IFI44L: variants seen among roughly 807,000 people sequenced by gnomAD.
IFI44L encodes the protein interferon induced protein 44 like.
IFI44L carries 40 observed loss-of-function variants against 39.3 expected under a neutral mutation model. The observed-to-expected ratio is 1.02, with a 90% CI of 0.79 to 1.33. The LOEUF is 1.33. Ranked by LOEUF, IFI44L falls within the 40% of genes most tolerant of loss-of-function variation. The probability of loss-of-function intolerance (pLI) is 0.00; values close to 1 mark genes in which losing one functional copy is unlikely to be tolerated. For synonymous variants in IFI44L, 198 were observed against 182.3 expected (o/e 1.09, Z -0.69); for missense variants, 623 against 549.0 (o/e 1.13, Z -1.35).
intron 3 of IFI44L, 80 bp from the exon 4 acceptor site, chr1:78,629,640 C>A: frequency 3.2e-6 from 3 of 952,316 alleles, no homozygotes; most frequent in South Asian, 2.1e-5. Context: ...GAGAAAGAAG[C>A]TCTAGGTGAC....
chr1:78,645,654 C>A lies in IFI44L; in HGVS notation c.*3845C>A, dbSNP rs1184667375. 1 of 152,162 alleles carries A rather than the reference C, an allele frequency of 6.6e-6. No homozygotes were observed. Among genetic ancestry groups the A allele is most frequent in the Non-Finnish European group, 1.5e-5 (1 of 68,030 alleles). The allele number at this position is 152,162 out of a possible 1,614,324, so 9.4% of individuals were successfully genotyped here. On this transcript the variant is annotated 3_prime_UTR_variant, in exon 9 of 9. Coordinates refer to ENST00000370751, the MANE Select transcript of IFI44L (RefSeq NM_006820.4). The stretch of plus-strand genomic sequence containing the variant: ...CAAAGTCGTCATGGAATCCTGCAAC[C>A]AAAAGCCATGGGAATTTGGAAGCCC...
Position 78,628,325 on chromosome 1 carries a change from C to A in IFI44L, c.410C>A (p.Thr137Lys). The change falls in exon 2 of 9, where the codon ACA (threonine) becomes AAA (lysine). Residue 137 changes from threonine to lysine, a missense_variant. Transcript: ENST00000370751. ...DNKIYLDKMI[T>K]RNLKLRFYGH... ...AAAATTTATCTAGATAAAATGATAA[C>A]AAGAAACTTGAAACTAAGGTTTTAT... The A allele has an allele frequency of 1.2e-6, 2 of 1,600,426 alleles. No individual in the cohort carries two copies. Among genetic ancestry groups the A allele is most frequent in the Non-Finnish European group, 8.5e-7 (1 of 1,174,466 alleles).
chr1:78,628,252 G>A lies in IFI44L; in HGVS notation c.337G>A (p.Val113Met). ...TAPKIIDEQLVCRLSKTDIFI... is the reference protein window; with the variant it reads ...TAPKIIDEQLMCRLSKTDIFI... Reference sequence around the variant, plus strand: ...ACCAAAAATTATTGATGAGCAACTGGTGTGTCGTTTATCGAAAACGGATAT... The same window carrying A: ...ACCAAAAATTATTGATGAGCAACTGATGTGTCGTTTATCGAAAACGGATAT... Residue 113 changes from valine (V) to methionine (M), a missense_variant, in exon 2 of 9, where the codon GTG becomes ATG. Transcript: ENST00000370751. 6.2e-7 allele frequency: 1 copy of A among 1,611,568 alleles called. No homozygotes were observed. Among genetic ancestry groups the A allele is most frequent in the Non-Finnish European group, 8.5e-7 (1 of 1,178,548 alleles).
intron 1 of IFI44L, among the ~76,000 whole-genome samples, chr1:78,623,399 T>A (rs1285036351): frequency 8.6e-5 from 1 of 11,580 alleles, no homozygotes; most frequent in Admixed American, 1.6e-3. Context: ...GTTTTTTGTT[T>A]TTTTTTTTTT....
Position 78,643,594 on chromosome 1 carries a change from C to T in IFI44L, c.*1785C>T, listed in dbSNP as rs982329410. On this transcript the variant is annotated 3_prime_UTR_variant, in exon 9 of 9. Transcript: ENST00000370751. Reference sequence around the variant, plus strand: ...TTGGGGTATAGGGAATGAAATGAAACATACAGAGATGAAAACTGGAAGTTT... The same window carrying T: ...TTGGGGTATAGGGAATGAAATGAAATATACAGAGATGAAAACTGGAAGTTT... The T allele has an allele frequency of 1.3e-5, 2 of 149,888 alleles. No homozygotes were observed. Among genetic ancestry groups the T allele is most frequent in the East Asian group, 3.9e-4 (2 of 5,112 alleles). 9.3% of individuals were successfully genotyped at this position (149,888 alleles called of 1,614,324 possible).
At chr1:78,623,833 C>T (rs894405200) in intron 1 of IFI44L, among the ~76,000 whole-genome samples, 3 of 152,108 alleles carry the variant, frequency 2.0e-5, no homozygotes, top group Admixed American at 1.3e-4. Flanking sequence ...GATACTCCAG[C>T]TCAAGAATAG....
At position 78,629,737 on chromosome 1, in the gene IFI44L, T is replaced by C; in HGVS notation, c.545T>C (p.Leu182Pro). ...IKAREHRNRLLADIRDYRPYA... is the reference protein window; with the variant it reads ...IKAREHRNRLPADIRDYRPYA... ...TTTAACAGGCACAGAAATAGGCTTC[T>C]AGCAGACATCAGAGACTATAGGCCC... Residue 182 changes from leucine (L) to proline (P), a missense_variant, in exon 4 of 9, where the codon CTA (leucine) becomes CCA (proline). Coordinates refer to ENST00000370751, the MANE Select transcript of IFI44L (RefSeq NM_006820.4). 6.2e-7 allele frequency: 1 copy of C among 1,612,074 alleles called. No homozygotes were observed. Among genetic ancestry groups the C allele is most frequent in the South Asian group, 1.1e-5 (1 of 90,778 alleles).
At chr1:78,623,446 G>T in intron 1 of IFI44L, among the ~76,000 whole-genome samples, 2 of 124,134 alleles carry the variant, frequency 1.6e-5, no homozygotes, top group African/African-American at 6.6e-5. Context: ...AAGGACTTGG[G>T]TTTTATCAAA....
intron 1 of IFI44L, among the ~76,000 whole-genome samples, chr1:78,624,947 C>G (rs1652428725): frequency 1.3e-5 from 2 of 152,088 alleles, no homozygotes; most frequent in Admixed American, 1.3e-4. Context: ...CAAAGGTACC[C>G]TTATTATCAC....
At chr1:78,639,798 A>G (rs1420012040) in intron 6 of IFI44L, among the ~76,000 whole-genome samples, 2 of 152,144 alleles carry the variant, frequency 1.3e-5, no homozygotes, top group Admixed American at 1.3e-4. Flanking sequence ...TATACTCCAA[A>G]GCCTCGTTGC....
chr1:78,645,834 G>A lies in IFI44L; in HGVS notation c.*4025G>A, dbSNP rs1269813373. 3 of 152,150 alleles carry A rather than the reference G, an allele frequency of 2.0e-5. No homozygotes were observed. The highest frequency in any genetic ancestry group is 4.8e-5 in the African/African-American group (2 of 41,438). The allele number at this position is 152,150 out of a possible 1,614,324, so 9.4% of individuals were successfully genotyped here. A position where few individuals can be genotyped will look rare whatever the true frequency, so the allele number is the denominator to read the frequency against. ...ATCTTTCTCTGATGTTGGAGAAAAT[G>A]GGCCAGTGAGATCATGGATATAGAA... On this transcript the variant is annotated 3_prime_UTR_variant, in exon 9 of 9. Transcript: ENST00000370751.
chr1:78,636,329 T>A (rs1243661019), intron 5 of IFI44L, among the ~76,000 whole-genome samples: 2 of 151,908 alleles, frequency 1.3e-5, no homozygotes, highest in African/African-American at 4.8e-5. Flanking sequence ...GACACACAGA[T>A]AAAGAGAGGA....
At chr1:78,629,538 A>G (rs1430216800) in intron 3 of IFI44L, 182 bp from the exon 4 acceptor site, 11 of 457,066 alleles carry the variant, frequency 2.4e-5, no homozygotes, top group Non-Finnish European at 3.4e-5. Flanking sequence ...TTAAGCACAA[A>G]ATGTATAACT....
At chr1:78,621,139 A>G (rs1652258560) in intron 1 of IFI44L, among the ~76,000 whole-genome samples, 1 of 152,226 alleles carries the variant, frequency 6.6e-6, no homozygotes, top group Non-Finnish European at 1.5e-5. Flanking sequence ...AGAGAGTATA[A>G]ATGAACCATA....
At chr1:78,637,646 C>A (rs1388282049) in intron 6 of IFI44L, among the ~76,000 whole-genome samples, 1 of 152,092 alleles carries the variant, frequency 6.6e-6, no homozygotes. Flanking sequence ...TAACTCTTGG[C>A]AACCACTAAT....
chr1:78,629,959 T>G lies in IFI44L; in HGVS notation c.723+44T>G, dbSNP rs574438852. On this transcript the variant is annotated intron_variant, in intron 4 of 8. Transcript: ENST00000370751. ...GATTTTATTTTATAGATTACAATTA[T>G]TATATTGCTTATGTCTTTGCCTTTT... is the stretch of plus-strand genomic sequence containing the variant. 7 of 1,491,056 alleles carry G rather than the reference T, an allele frequency of 4.7e-6. No homozygotes were observed. The South Asian group carries it at 8.1e-5, about 17-fold the overall frequency. 92.4% of individuals were successfully genotyped at this position (1,491,056 alleles called of 1,614,324 possible). A position where few individuals can be genotyped will look rare whatever the true frequency, so the allele number is the denominator to read the frequency against.
chr1:78,638,073 T>G (rs924605667), intron 6 of IFI44L, among the ~76,000 whole-genome samples: 1 of 152,136 alleles, frequency 6.6e-6, no homozygotes, highest in Non-Finnish European at 1.5e-5. Flanking sequence ...AGAGATCTAT[T>G]TTTTCTGCAT....
chr1:78,622,588 C>G (rs1336921885), intron 1 of IFI44L, among the ~76,000 whole-genome samples: 1 of 151,906 alleles, frequency 6.6e-6, no homozygotes, highest in Non-Finnish European at 1.5e-5. Flanking sequence ...TGGATGGAAA[C>G]TGTGACTTAA....
At position 78,641,564 on chromosome 1, in the gene IFI44L, C is replaced by A. The variant is rs150590015; in HGVS notation, c.1279C>A (p.Arg427=). ...CCTCTCTGCACTGAGGCAGATGCTG[C>A]GGGCTGCAGATGATTTTTTAGAAGA... ...LILSALRQML[R]AADDFLEDLP... The change falls in exon 8 of 9, where the codon CGG becomes AGG. Residue 427 remains arginine, a synonymous_variant. Coordinates refer to ENST00000370751, the MANE Select transcript of IFI44L (RefSeq NM_006820.4). The A allele has an allele frequency of 4.0e-5, 64 of 1,613,612 alleles. 1 individual carries two copies. In the African/African-American group the frequency reaches 6.0e-4, roughly 15 times the overall value.
Sources: gnomAD v4.1 joint callset for allele counts (sites outside exome capture counted in the v4.1 genomes callset) on GRCh38, gnomAD v4.1.1 for gene constraint, MANE v1.5 for transcripts, NCBI Gene and HGNC (gene_info 2026-07-23, HGNC 2026-07-21) for gene names.